MSR1: variants seen among roughly 807,000 people sequenced by gnomAD.
The protein encoded by MSR1 is macrophage scavenger receptor 1.
MSR1 carries 53 observed loss-of-function variants against 47.2 expected under a neutral mutation model. The observed-to-expected ratio is 1.12, with a 90% CI of 0.90 to 1.41. The LOEUF is 1.41. MSR1 is among the 40% of genes most tolerant of loss of function. MSR1 has a pLI of 0.00. For synonymous variants in MSR1, 239 were observed against 185.6 expected (o/e 1.29, Z -2.34); for missense variants, 786 against 546.9 (o/e 1.44, Z -4.36).
intron 9 of MSR1, among the ~76,000 whole-genome samples, chr8:16,111,971 G>T (rs551761198): frequency 2.0e-5 from 3 of 151,888 alleles, no homozygotes; most frequent in East Asian, 3.9e-4. Context: ...ATCTCCTTTG[G>T]TGCCTACACG....
intron 9 of MSR1, among the ~76,000 whole-genome samples, chr8:16,112,646 A>G (rs1263124263): frequency 1.3e-5 from 2 of 152,076 alleles, no homozygotes; most frequent in Non-Finnish European, 2.9e-5. Flanking sequence ...TAAACCAATG[A>G]GATAAAAAAC....
At position 16,164,738 on chromosome 8, in the gene MSR1, A is replaced by G. The variant is rs1801257813; in HGVS notation, c.631-487T>C. On this transcript the variant is annotated intron_variant, in intron 4 of 9. Coordinates refer to ENST00000262101, the MANE Select transcript of MSR1 (RefSeq NM_138715.3). Reference sequence around the variant, plus strand: ...CATTGACAATAGATTTTCATACTCAATAAAACCTCGAACTCGCATATTAAC... The same window carrying G: ...CATTGACAATAGATTTTCATACTCAGTAAAACCTCGAACTCGCATATTAAC... Among the ~76,000 whole-genome samples, 3 of 152,054 alleles carry G rather than the reference A, an allele frequency of 2.0e-5. No individual in the cohort carries two copies. In the South Asian group the frequency reaches 6.2e-4, roughly 32 times the overall value.
chr8:16,146,820 T>A (rs1003039737), intron 7 of MSR1, among the ~76,000 whole-genome samples: 1 of 152,150 alleles, frequency 6.6e-6, no homozygotes. Flanking sequence ...CTGAATAATA[T>A]TTATATAATC....
chr8:16,120,579 C>G lies in MSR1; in HGVS notation c.1061G>C (p.Gly354Ala), dbSNP rs200800859. 2 of 1,606,022 alleles carry G rather than the reference C, an allele frequency of 1.2e-6. No individual in the cohort carries two copies. Among genetic ancestry groups the G allele is most frequent in the Non-Finnish European group, 1.7e-6 (2 of 1,178,848 alleles). The change falls in exon 9 of 10, where the codon GGT (glycine) becomes GCT (alanine). Residue 354 changes from glycine to alanine, a missense_variant. Gly to Ala is a moderately conservative substitution (Grantham distance 60). Transcript: ENST00000262101. The stretch of plus-strand genomic sequence containing the variant: ...CCTCCCCTCGTGAGGGCCGCTCCCA[C>G]CGACCAGTCGAACTTTCGTAAATGG... ...LTPFTKVRLVGGSGPHEGRVE... is the reference protein window; with the variant it reads ...LTPFTKVRLVAGSGPHEGRVE...
intron 8 of MSR1, among the ~76,000 whole-genome samples, chr8:16,131,447 T>G (rs919821263): frequency 1.4e-5 from 2 of 146,682 alleles, no homozygotes; most frequent in Admixed American, 6.8e-5. Flanking sequence ...GATAGTTTTT[T>G]TTTTTTTTTT....
intron 8 of MSR1, among the ~76,000 whole-genome samples, chr8:16,141,812 C>A (rs1800564165): frequency 2.6e-5 from 4 of 151,540 alleles, no homozygotes; most frequent in African/African-American, 9.7e-5. Flanking sequence ...GTGCTGTTTG[C>A]AGTGTAAAAA....
At chr8:16,185,170 C>A (rs442799) in intron 1 of MSR1, among the ~76,000 whole-genome samples, 32,910 of 150,946 alleles carry the variant, frequency 0.22, 4,630 homozygotes, top group East Asian at 0.53. Context: ...AAAAAAAAAG[C>A]TCACATTCAT....
chr8:16,135,881 A>G (rs1401310853), intron 8 of MSR1, among the ~76,000 whole-genome samples: 3 of 152,182 alleles, frequency 2.0e-5, no homozygotes. Context: ...TGTGGTATAA[A>G]TAATAAGAGA....
chr8:16,166,214 A>T (rs187256061), intron 4 of MSR1, among the ~76,000 whole-genome samples: 1 of 121,086 alleles, frequency 8.3e-6, no homozygotes, highest in East Asian at 2.6e-4. Context: ...ACTGTCACCC[A>T]GGCTGGAGTG....
intron 8 of MSR1, among the ~76,000 whole-genome samples, chr8:16,133,740 T>C (rs1000617253): frequency 5.9e-5 from 9 of 152,204 alleles, no homozygotes; most frequent in African/African-American, 2.2e-4. Context: ...ATCCATGTTT[T>C]ATCTTCTCCT....
chr8:16,121,079 T>C, intron 8 of MSR1: 2 of 385,764 alleles, frequency 5.2e-6, no homozygotes, highest in South Asian at 4.1e-5. Context: ...CAAAAATAGG[T>C]GATCAAACTT....
chr8:16,113,362 T>C (rs1018680611), intron 9 of MSR1, among the ~76,000 whole-genome samples: 3 of 152,146 alleles, frequency 2.0e-5, no homozygotes, highest in Admixed American at 2.0e-4. Context: ...GTTTCATACA[T>C]CATCCAGATA....
At chr8:16,168,395 A>C in intron 4 of MSR1, 63 bp downstream of exon 4, 1 of 1,575,062 alleles carries the variant, frequency 6.3e-7, no homozygotes, top group South Asian at 1.1e-5. Context: ...TGTACTGCCT[A>C]AGGAGACGAG....
chr8:16,171,163 G>A (rs1585184359), intron 3 of MSR1, among the ~76,000 whole-genome samples: 1 of 144,790 alleles, frequency 6.9e-6, no homozygotes. Context: ...GGCGGAGGTT[G>A]CAGTGTGCCG....
At chr8:16,166,135 T>C (rs986332785) in intron 4 of MSR1, among the ~76,000 whole-genome samples, 7 of 151,218 alleles carry the variant, frequency 4.6e-5, no homozygotes, top group East Asian at 3.9e-4. Flanking sequence ...TTTTTCATCA[T>C]ACCTAAAAGC....
chr8:16,187,414 C>CAAG (rs1802036301), intron 1 of MSR1, among the ~76,000 whole-genome samples: 2 of 135,988 alleles, frequency 1.5e-5, no homozygotes. Context: ...AGCAAGCAAG[C>CAAG]AAGCAAGCTG....
At chr8:16,133,250 C>T (rs1171693671) in intron 8 of MSR1, among the ~76,000 whole-genome samples, 1 of 152,088 alleles carries the variant, frequency 6.6e-6, no homozygotes, top group East Asian at 1.9e-4. Flanking sequence ...TCCTAAAGAC[C>T]TGAGGATCTT....
chr8:16,185,551 A>C (rs1157140001), intron 1 of MSR1, among the ~76,000 whole-genome samples: 1 of 152,114 alleles, frequency 6.6e-6, no homozygotes, highest in African/African-American at 2.4e-5. Context: ...ACAGTCACGC[A>C]ATCTGAGCCC....
chr8:16,183,054 C>T (rs185922728), intron 1 of MSR1, among the ~76,000 whole-genome samples: 1 of 152,160 alleles, frequency 6.6e-6, no homozygotes, highest in Non-Finnish European at 1.5e-5. Flanking sequence ...TTTTTCAGCT[C>T]CATTATAATC....
Sources: gnomAD v4.1 joint callset for allele counts (sites outside exome capture counted in the v4.1 genomes callset) on GRCh38, gnomAD v4.1.1 for gene constraint, MANE v1.5 for transcripts, NCBI Gene and HGNC (gene_info 2026-07-23, HGNC 2026-07-21) for gene names.